The following NTAQ1 variants were observed in gnomAD, a reference collection of about 807,000 sequenced individuals.
NTAQ1 encodes N-terminal glutamine amidase 1.
NTAQ1 carries 21 observed loss-of-function variants against 28.2 expected under a neutral mutation model. That is an observed-to-expected ratio of 0.74 (90% CI 0.53 to 1.07). NTAQ1 has a LOEUF of 1.07. NTAQ1 is among the 50% of genes least tolerant of loss of function. The probability of loss-of-function intolerance (pLI) is 0.00; values close to 1 mark genes in which losing one functional copy is unlikely to be tolerated. For synonymous variants in NTAQ1, 105 were observed against 90.0 expected, an observed-to-expected ratio of 1.17 and a Z score of -0.94; for missense variants, 264 against 256.6, an observed-to-expected ratio of 1.03 and a Z score of -0.20.
rs768865201 is a variant in NTAQ1 at position 123,441,321 on chromosome 8, T to C, written c.524T>C (p.Leu175Pro). The C allele has an allele frequency of 1.1e-5, 18 of 1,608,186 alleles. No homozygotes were observed. The highest frequency in any genetic ancestry group is 1.5e-5 in the Non-Finnish European group (18 of 1,177,270). ...CIETGDSKMNLNDFISMDPKV... is the reference protein window; with the variant it reads ...CIETGDSKMNPNDFISMDPKV... ...ATTTTTTTAGATTCCAAAATGAACC[T>C]GAACGATTTCATCAGTATGGATCCC... The change falls in exon 6 of 6, where the codon CTG becomes CCG. Residue 175 changes from leucine to proline, a missense_variant. Transcript: ENST00000287387.
chr8:123,430,624 T>C (rs898449610), intron 3 of NTAQ1, among the ~76,000 whole-genome samples: 4 of 151,888 alleles, frequency 2.6e-5, no homozygotes, highest in African/African-American at 9.7e-5. Flanking sequence ...CTAAAAAAAA[T>C]ACAAAGATTA....
At chr8:123,420,589 C>CTTTT (rs1813618465) in intron 1 of NTAQ1, among the ~76,000 whole-genome samples, 1 of 72,078 alleles carries the variant, frequency 1.4e-5, no homozygotes, top group Non-Finnish European at 2.7e-5. Flanking sequence ...TTATTTTTTG[C>CTTTT]CTTTTTTTTT....
intron 6 of NTAQ1, among the ~76,000 whole-genome samples, chr8:123,460,375 G>A (rs6982421): frequency 0.022 from 3,308 of 152,310 alleles, 124 homozygotes; most frequent in African/African-American, 0.075. Context: ...AAAGGAATGT[G>A]ATTTGAACCT....
rs993272072 is a variant in NTAQ1, at chr8:123,458,447, A to G, written c.373-8632A>G. 3.3e-5 allele frequency among the ~76,000 whole-genome samples: 5 copies of G among 152,158 alleles called. No homozygotes were observed. In the South Asian group the frequency reaches 1.0e-3, roughly 32 times the overall value. ...GACCTTGAAATTGTGAGTCTAGGTG[A>G]AACCATTAAACAGCTAAGTAGCTGT... On this transcript the variant is annotated intron_variant, in intron 6 of 6. Coordinates refer to the NTAQ1 transcript ENST00000650311.
intron 3 of NTAQ1, among the ~76,000 whole-genome samples, chr8:123,435,847 A>G (rs1277638636): frequency 1.3e-5 from 2 of 148,864 alleles, no homozygotes; most frequent in African/African-American, 5.0e-5. Context: ...AGCCTGGGTG[A>G]TAGAGCAAGA....
At chr8:123,451,284 T>C (rs534298785), downstream of NTAQ1, among the ~76,000 whole-genome samples, 54 of 152,342 alleles carry the variant, frequency 3.5e-4, no homozygotes, top group Admixed American at 5.9e-4. Context: ...TTTTTCTTCA[T>C]AGCAGTTATC....
chr8:123,436,354 G>A, intron 3 of NTAQ1, 99 bp from the exon 4 acceptor site: 1 of 1,139,206 alleles, frequency 8.8e-7, no homozygotes, highest in Non-Finnish European at 1.2e-6. Context: ...GAGGGCTGTA[G>A]CAGTCCTATA....
At chr8:123,418,603 C>G (rs1032032275) in intron 1 of NTAQ1, among the ~76,000 whole-genome samples, 1 of 152,018 alleles carries the variant, frequency 6.6e-6, no homozygotes, top group African/African-American at 2.4e-5. Context: ...GAAAAGAGAT[C>G]TGAAAAAAGA....
chr8:123,431,879 T>C (rs1044453309), intron 3 of NTAQ1, among the ~76,000 whole-genome samples: 4 of 152,222 alleles, frequency 2.6e-5, no homozygotes, highest in African/African-American at 9.6e-5. Context: ...CTGTTATAGA[T>C]GGTCCGTGTG....
intron 4 of NTAQ1, 37 bp downstream of exon 4, chr8:123,436,638 A>C (rs1814733242): frequency 6.3e-7 from 1 of 1,590,900 alleles, no homozygotes. Flanking sequence ...TATTTTCTGA[A>C]GTAAGAATTT....
intron 5 of NTAQ1, among the ~76,000 whole-genome samples, chr8:123,440,441 C>T (rs1222337731): frequency 6.6e-6 from 1 of 151,484 alleles, no homozygotes; most frequent in African/African-American, 2.4e-5. Flanking sequence ...TAGGCGTGAG[C>T]CACCACGCCT....
At chr8:123,459,799 T>C (rs1815765102) in intron 6 of NTAQ1, among the ~76,000 whole-genome samples, 1 of 133,938 alleles carries the variant, frequency 7.5e-6, no homozygotes, top group East Asian at 2.4e-4. Flanking sequence ...TATACATCAT[T>C]CTTTTTTTTT....
At chr8:123,427,897 C>A (rs889353333) in intron 1 of NTAQ1, 27 bp from the exon 2 acceptor site, 15 of 1,530,244 alleles carry the variant, frequency 9.8e-6, no homozygotes, top group Non-Finnish European at 1.3e-5. Flanking sequence ...GTTCTCTAAT[C>A]TTGATTAAAC....
intron 6 of NTAQ1, chr8:123,455,212 G>A (rs925269747): frequency 6.6e-6 from 1 of 152,220 alleles, no homozygotes; most frequent in Non-Finnish European, 1.5e-5. Flanking sequence ...CAGCTCTGGT[G>A]AGGGAAAGAT....
At chr8:123,448,664 G>A (rs572145076), downstream of NTAQ1, among the ~76,000 whole-genome samples, 3 of 152,278 alleles carry the variant, frequency 2.0e-5, no homozygotes, top group East Asian at 1.9e-4. Flanking sequence ...GTGTCCTTGC[G>A]CAGACTGCCC....
downstream of NTAQ1, among the ~76,000 whole-genome samples, chr8:123,446,290 G>T (rs931209570): frequency 3.3e-5 from 5 of 152,234 alleles, no homozygotes; most frequent in Non-Finnish European, 7.3e-5. Context: ...ACAGGCATCA[G>T]CCACTGCAAC....
chr8:123,448,224 G>A (rs1815358823), downstream of NTAQ1: 1 of 152,172 alleles, frequency 6.6e-6, no homozygotes, highest in Admixed American at 6.6e-5. Context: ...CAGAATTCTT[G>A]GTGAGTTTTG....
chr8:123,454,782 C>T (rs747734712), intron 6 of NTAQ1, among the ~76,000 whole-genome samples: 2 of 152,180 alleles, frequency 1.3e-5, no homozygotes, highest in African/African-American at 2.4e-5. Context: ...ATTCATTCTA[C>T]CATCAAGAAG....
At chr8:123,474,802 G>T (rs879363618), downstream of NTAQ1, among the ~76,000 whole-genome samples, 3 of 152,138 alleles carry the variant, frequency 2.0e-5, no homozygotes, top group Non-Finnish European at 2.9e-5. Context: ...CAGGAGAATA[G>T]CTTGAACCCA....
Sources: allele counts gnomAD v4.1 joint callset (sites outside exome capture counted in the v4.1 genomes callset), GRCh38; gene constraint gnomAD v4.1.1; transcripts MANE v1.5; gene names NCBI Gene and HGNC (gene_info 2026-07-23, HGNC 2026-07-21).